NLGN1: variants seen among roughly 807,000 people sequenced by gnomAD.
The protein encoded by NLGN1 is neuroligin-1.
Under a neutral mutation model 65.5 loss-of-function variants are expected in NLGN1, and 12 were observed. The observed-to-expected ratio is 0.18, with a 90% CI of 0.12 to 0.30. The LOEUF (loss-of-function observed/expected upper bound fraction) is 0.30, where lower values mean the gene tolerates loss of function less well. Among genes scored for constraint, NLGN1 ranks in the 10% least tolerant of loss-of-function variants. The pLI is 1.00. For missense variants in NLGN1, 750 were observed against 1,007.1 expected (o/e 0.74, Z 3.46); for synonymous variants, 350 against 359.5 (o/e 0.97, Z 0.30).
intron 2 of NLGN1, among the ~76,000 whole-genome samples, chr3:173,486,736 C>G (rs779264041): frequency 2.0e-5 from 3 of 152,314 alleles, no homozygotes; most frequent in Middle Eastern, 6.8e-3. Flanking sequence ...CTATCTCCTG[C>G]TCAAGGTGCA....
chr3:174,292,361 T>C, the NLGN1 span, among the ~76,000 whole-genome samples: 2 of 151,220 alleles, frequency 1.3e-5, no homozygotes, highest in Non-Finnish European at 3.0e-5. Flanking sequence ...ACCTGGAACA[T>C]TTTGTCAAAG....
intron 4 of NLGN1, among the ~76,000 whole-genome samples, chr3:174,182,533 T>C (rs911112940): frequency 6.6e-6 from 1 of 152,116 alleles, no homozygotes; most frequent in African/African-American, 2.4e-5. Context: ...AAATACTGAT[T>C]CAGTAGGTCT....
chr3:173,978,835 A>T (rs11928323), intron 4 of NLGN1, among the ~76,000 whole-genome samples: 913 of 60,038 alleles, frequency 0.015, 4 homozygotes, highest in Middle Eastern at 0.024. Flanking sequence ...TTCTCTAATT[A>T]AAAAAAAAAA....
rs71162378 is a variant in NLGN1, at chr3:174,197,751, C to CGTGTGT, written c.647-77543_647-77538dup. 8.7e-3 allele frequency among the ~76,000 whole-genome samples: 1,228 copies of CGTGTGT among 141,702 alleles called. 6 individuals carry two copies. The highest frequency in any genetic ancestry group is 0.016 in the African/African-American group (598 of 38,324). The allele number at this position is 141,702 out of a possible 152,430, so 93.0% of individuals were successfully genotyped here. A position where few individuals can be genotyped will look rare whatever the true frequency, so the allele number is the denominator to read the frequency against. The stretch of plus-strand genomic sequence containing the variant: ...ACTTTCAAAATAATTCCCATTATCT[C>CGTGTGT]GTGTGTGTGTGTGTGTGTGTGTGTG... On this transcript the variant is annotated intron_variant, in intron 4 of 6. Transcript: ENST00000457714.
intron 4 of NLGN1, among the ~76,000 whole-genome samples, chr3:174,033,795 C>CA (rs1303647912): frequency 6.6e-6 from 1 of 151,330 alleles, no homozygotes; most frequent in Non-Finnish European, 1.5e-5. Flanking sequence ...ACAGAACATC[C>CA]AAAAAATTAT....
chr3:173,578,118 C>T (rs1745810210), intron 2 of NLGN1, among the ~76,000 whole-genome samples: 1 of 151,934 alleles, frequency 6.6e-6, no homozygotes, highest in Admixed American at 6.5e-5. Context: ...CACCTGTAGT[C>T]CCAGCTACTC....
intron 4 of NLGN1, among the ~76,000 whole-genome samples, chr3:173,823,165 G>A (rs1720660331): frequency 6.6e-6 from 1 of 151,938 alleles, no homozygotes; most frequent in African/African-American, 2.4e-5. Flanking sequence ...TGGTCTATTA[G>A]TCTAAACTTG....
At chr3:173,820,542 C>T (rs1354084862) in intron 4 of NLGN1, among the ~76,000 whole-genome samples, 1 of 152,056 alleles carries the variant, frequency 6.6e-6, no homozygotes, top group Non-Finnish European at 1.5e-5. Flanking sequence ...TAGTACAGAA[C>T]CTTAAGTAAA....
intron 3 of NLGN1, among the ~76,000 whole-genome samples, chr3:173,779,958 T>C (rs1021819655): frequency 8.5e-5 from 13 of 152,178 alleles, no homozygotes; most frequent in Non-Finnish European, 1.8e-4. Flanking sequence ...TTTTTTCCAA[T>C]TTTGTCAGTT....
At chr3:173,988,892 C>A (rs1259506245) in intron 4 of NLGN1, among the ~76,000 whole-genome samples, 1 of 152,116 alleles carries the variant, frequency 6.6e-6, no homozygotes, top group Non-Finnish European at 1.5e-5. Flanking sequence ...CTTACCATCA[C>A]TGTGATATTA....
chr3:173,971,638 T>A (rs1716259229), intron 4 of NLGN1, among the ~76,000 whole-genome samples: 1 of 152,030 alleles, frequency 6.6e-6, no homozygotes, highest in Admixed American at 6.6e-5. Flanking sequence ...AAGTAAGGCA[T>A]CAAACCACTA....
In NLGN1 at chr3:174,199,854, A is replaced by T. The variant is rs185874872; in HGVS notation, c.647-75461A>T. Among the ~76,000 whole-genome samples, 182 of 152,348 alleles carry T rather than the reference A, an allele frequency of 1.2e-3. 1 individual carries two copies. Among genetic ancestry groups the T allele is most frequent in the African/African-American group, 4.1e-3 (170 of 41,582 alleles). On this transcript the variant is annotated intron_variant, in intron 4 of 6. Transcript: ENST00000457714. The stretch of plus-strand genomic sequence containing the variant: ...GACACCCAATGGATGTGAAAGAAGT[A>T]TTGTTACTTACAGAGCAGCATTATG...
intron 2 of NLGN1, among the ~76,000 whole-genome samples, chr3:173,448,310 T>C (rs776040925): frequency 1.3e-5 from 2 of 152,242 alleles, no homozygotes; most frequent in Non-Finnish European, 2.9e-5. Context: ...TCTGCATCTA[T>C]TGAGATAATC....
chr3:173,691,220 A>G (rs2149824664), intron 3 of NLGN1, among the ~76,000 whole-genome samples: 1 of 152,118 alleles, frequency 6.6e-6, no homozygotes, highest in Non-Finnish European at 1.5e-5. Flanking sequence ...CTTTTCTCCA[A>G]ACCCCTCTTT....
intron 4 of NLGN1, among the ~76,000 whole-genome samples, chr3:174,177,042 G>A (rs900758437): frequency 6.7e-6 from 1 of 149,712 alleles, no homozygotes; most frequent in Non-Finnish European, 1.5e-5. Context: ...TTTTAAATAA[G>A]GCTATCATAA....
chr3:173,724,096 C>A lies in NLGN1; in HGVS notation c.494-83584C>A, dbSNP rs181716570. On this transcript the variant is annotated intron_variant, in intron 3 of 6. Transcript: ENST00000457714. ...TATTGGACATGATACATGTGAACTT[C>A]ACTATTCGACATTCAAGTGGAAATG... is the stretch of plus-strand genomic sequence containing the variant. Among the ~76,000 whole-genome samples the A allele has an allele frequency of 1.3e-4, 20 of 152,262 alleles. No homozygotes were observed. In the East Asian group the frequency reaches 3.3e-3, roughly 25 times the overall value.
At chr3:174,123,915 G>A (rs1437562741) in intron 4 of NLGN1, among the ~76,000 whole-genome samples, 1 of 152,068 alleles carries the variant, frequency 6.6e-6, no homozygotes, top group Non-Finnish European at 1.5e-5. Context: ...AAACCATTGT[G>A]CTGTGGTCTG....
At chr3:173,773,491 T>C (rs1259447272) in intron 3 of NLGN1, among the ~76,000 whole-genome samples, 1 of 152,206 alleles carries the variant, frequency 6.6e-6, no homozygotes, top group African/African-American at 2.4e-5. Flanking sequence ...TATTCATATG[T>C]CGTTTTAAAA....
At chr3:173,849,228 C>G (rs1028273908) in intron 4 of NLGN1, among the ~76,000 whole-genome samples, 2 of 152,054 alleles carry the variant, frequency 1.3e-5, no homozygotes, top group African/African-American at 2.4e-5. Context: ...TTGAATTACT[C>G]TCTGTATTAC....
Sources: gnomAD v4.1 joint callset for allele counts (sites outside exome capture counted in the v4.1 genomes callset) on GRCh38, gnomAD v4.1.1 for gene constraint, MANE v1.5 for transcripts, NCBI Gene and HGNC (gene_info 2026-07-23, HGNC 2026-07-21) for gene names.